Variants in TET2 observed in about 807,000 individuals in gnomAD.
TET2 encodes the protein tet methylcytosine dioxygenase 2.
In TET2, 299 loss-of-function variants were observed where a neutral mutation model predicts 142.9. The observed-to-expected ratio is 2.09, with a 90% CI of 1.90 to 2.30. The LOEUF is 2.30. Among genes scored for constraint, TET2 ranks in the 30% most tolerant of loss-of-function variants. The pLI, the probability that TET2 is intolerant of heterozygous loss-of-function variation, is 0.00. For synonymous variants in TET2, 819 were observed against 849.0 expected (o/e 0.96, Z 0.61); for missense variants, 2,418 against 2,378.0 (o/e 1.02, Z -0.35).
chr4:105,247,637 CT>C (rs1258012125), intron 6 of TET2, among the ~76,000 whole-genome samples: 1 of 82,312 alleles, frequency 1.2e-5, no homozygotes, highest in African/African-American at 8.5e-5. Context: ...CATCTTGGTT[CT>C]TTTGTTTACT....
chr4:105,275,606 A>C lies in TET2; in HGVS notation c.5096A>C (p.Gln1699Pro), dbSNP rs1460073379. The change falls in exon 11 of 11, where the codon CAA (glutamine) becomes CCA (proline). Residue 1699 changes from glutamine (Q) to proline (P), a missense_variant. Transcript: ENST00000380013. The part of the protein sequence containing the change: ...FTSKYLGYGN[Q>P]NMQGDGFSSC... ...TCTAAATACTTAGGTTATGGAAACC[A>C]AAATATGCAGGGAGATGGTTTCAGC... The C allele has an allele frequency of 6.4e-7, 1 of 1,551,858 alleles. No individual in the cohort carries two copies. Among genetic ancestry groups the C allele is most frequent in the Admixed American group, 2.0e-5 (1 of 51,010 alleles).
intron 6 of TET2, among the ~76,000 whole-genome samples, chr4:105,247,786 A>G (rs1729658744): frequency 1.5e-5 from 2 of 135,856 alleles, no homozygotes; most frequent in Middle Eastern, 4.5e-3. Flanking sequence ...CAGTGGCCCA[A>G]TCTCAGCTCA....
chr4:105,186,096 G>A (rs1407652314), intron 1 of TET2, among the ~76,000 whole-genome samples: 17 of 152,006 alleles, frequency 1.1e-4, no homozygotes, highest in Non-Finnish European at 7.4e-5. Flanking sequence ...TGGGTGTGGT[G>A]GTACATGCCT....
intron 6 of TET2, among the ~76,000 whole-genome samples, chr4:105,250,702 A>AT (rs1167248934): frequency 6.6e-6 from 1 of 151,692 alleles, no homozygotes; most frequent in Non-Finnish European, 1.5e-5. Context: ...TGCACTTTTT[A>AT]TTTTTTTTAA....
rs1405367085 is a variant in TET2 at position 105,276,007 on chromosome 4, G to C, written c.5497G>C (p.Val1833Leu). 6 of 1,551,624 alleles carry C rather than the reference G, an allele frequency of 3.9e-6. No individual in the cohort carries two copies. The African/African-American group carries it at 8.2e-5, about 21-fold the overall frequency. ...TCAGGAAAAGCAGCCATTGGCACTA[G>C]TCCAGGGTGTGGCTTCTGGTGCAGA... is the stretch of plus-strand genomic sequence containing the variant. ...NGQEKQPLAL[V>L]QGVASGAEDN... is the part of the protein sequence containing the mutation. Residue 1833 changes from valine to leucine, a missense_variant, in exon 11 of 11, where the codon GTC becomes CTC. Transcript: ENST00000380013.
Position 105,236,396 on chromosome 4 carries a change from T to G in TET2, c.2454T>G (p.Pro818=), listed in dbSNP as rs1196627799. The G allele has an allele frequency of 6.2e-7, 1 of 1,613,920 alleles. No homozygotes were observed. The highest frequency in any genetic ancestry group is 8.5e-7 in the Non-Finnish European group (1 of 1,180,016). ...AGAATATAAATCGTAGAAATTCCCC[T>G]TATAGTCAGACCATGAAATCAAGTG... ...EVQNINRRNS[P]YSQTMKSSAC... The change falls in exon 3 of 11, where the codon CCT becomes CCG. Residue 818 remains proline, a synonymous_variant. Transcript: ENST00000380013.
chr4:105,182,812 G>T (rs1725199313), intron 1 of TET2, among the ~76,000 whole-genome samples: 1 of 151,938 alleles, frequency 6.6e-6, no homozygotes, highest in African/African-American at 2.4e-5. Context: ...TTAAGCATTA[G>T]AATTTTTATA....
intron 2 of TET2, among the ~76,000 whole-genome samples, chr4:105,209,614 A>G (rs147707435): frequency 1.3e-5 from 2 of 151,252 alleles, no homozygotes; most frequent in African/African-American, 4.9e-5. Context: ...AGATTTCTCT[A>G]ATTTTTTGTG....
At position 105,237,152 on chromosome 4, in the gene TET2, T is replaced by C. The variant is rs754910412; in HGVS notation, c.3210T>C (p.Thr1070=). The change falls in exon 3 of 11, where the codon ACT becomes ACC. Residue 1070 remains threonine (T), a synonymous_variant. Transcript: ENST00000380013. ...TCACAGTTTTGACTAGACAAACCAC[T>C]GCTGCAGAACTTGATAGCCACACCC... ...GPVTVLTRQT[T]AAELDSHTPA... The C allele has an allele frequency of 6.2e-7, 1 of 1,614,152 alleles. No homozygotes were observed. The highest frequency in any genetic ancestry group is 1.1e-5 in the South Asian group (1 of 91,084).
intron 1 of TET2, among the ~76,000 whole-genome samples, chr4:105,170,266 C>G (rs1418768927): frequency 1.3e-5 from 2 of 152,118 alleles, no homozygotes; most frequent in African/African-American, 2.4e-5. Context: ...CATGTATTGT[C>G]AGCATACCAA....
intron 4 of TET2, 182 bp downstream of exon 4, chr4:105,241,611 A>AC: frequency 7.4e-7 from 1 of 1,358,220 alleles, no homozygotes; most frequent in Non-Finnish European, 9.5e-7. Flanking sequence ...ACAATATTTG[A>AC]CAGGACTAAT....
chr4:105,210,150 C>A lies in TET2; in HGVS notation c.-47+19645C>A, dbSNP rs535857967. Among the ~76,000 whole-genome samples the A allele has an allele frequency of 7.2e-5, 11 of 152,212 alleles. No homozygotes were observed. In the South Asian group the frequency reaches 2.3e-3, roughly 32 times the overall value. On this transcript the variant is annotated intron_variant, in intron 2 of 10. Transcript: ENST00000380013. ...TTTGGATAAGTAGAGTTTGAAGTGC[C>A]TATGGGACATACAGGTACAGATGAC...
At chr4:105,265,323 A>T (rs1158210850) in intron 8 of TET2, among the ~76,000 whole-genome samples, 1 of 152,226 alleles carries the variant, frequency 6.6e-6, no homozygotes, top group Non-Finnish European at 1.5e-5. Context: ...CATGTGGATA[A>T]TGGTTACCAT....
intron 6 of TET2, among the ~76,000 whole-genome samples, chr4:105,245,921 T>C (rs1387242119): frequency 1.3e-5 from 2 of 152,226 alleles, no homozygotes; most frequent in African/African-American, 4.8e-5. Context: ...TTTGATTTTC[T>C]TGAAGTTTCC....
intron 2 of TET2, among the ~76,000 whole-genome samples, chr4:105,210,413 A>G (rs1258320562): frequency 1.3e-5 from 2 of 152,012 alleles, no homozygotes; most frequent in Non-Finnish European, 2.9e-5. Flanking sequence ...CTGTACTCTT[A>G]CTTGGGATGA....
Position 105,275,734 on chromosome 4 carries a change from C to G in TET2, c.5224C>G (p.Pro1742Ala). The change falls in exon 11 of 11, where the codon CCC (proline) becomes GCC (alanine). Residue 1742 changes from proline to alanine, a missense_variant. Pro to Ala is a conservative substitution (Grantham distance 27, BLOSUM62 -1). Coordinates refer to ENST00000380013, the MANE Select transcript of TET2 (RefSeq NM_001127208.3). ...HFMGATSRLP[P>A]NLSNPNMDYK... ...CATGGGAGCCACCTCTAGATTACCA[C>G]CCAATCTGAGCAATCCAAACATGGA... is the stretch of plus-strand genomic sequence containing the variant. 6.4e-7 allele frequency: 1 copy of G among 1,551,762 alleles called. No individual in the cohort carries two copies. The highest frequency in any genetic ancestry group is 8.7e-7 in the Non-Finnish European group (1 of 1,146,968).
intron 6 of TET2, among the ~76,000 whole-genome samples, chr4:105,256,517 C>T (rs1051705570): frequency 2.0e-5 from 3 of 151,990 alleles, no homozygotes; most frequent in African/African-American, 7.3e-5. Flanking sequence ...ATACAGTTTT[C>T]ATGATTTTCT....
chr4:105,236,050 TGAATCAACAG>T lies in TET2; in HGVS notation c.2110_2119del (p.Asn704LeufsTer44). 6.2e-7 allele frequency: 1 copy of T among 1,614,132 alleles called. No individual in the cohort carries two copies. Among genetic ancestry groups the T allele is most frequent in the Non-Finnish European group, 8.5e-7 (1 of 1,180,006 alleles). ...ATGTCCCCAGTGTTGAAACAGCACTTGAATCAACAGGCTTCAGAGACTGAGCCATTTTCAA... is the reference window on the plus strand; with the variant it reads ...ATGTCCCCAGTGTTGAAACAGCACTTGCTTCAGAGACTGAGCCATTTTCAA... On this transcript the variant is annotated frameshift_variant, in exon 3 of 11. Coordinates refer to ENST00000380013, the MANE Select transcript of TET2 (RefSeq NM_001127208.3). LOFTEE classifies it high-confidence loss of function.
intron 2 of TET2, among the ~76,000 whole-genome samples, chr4:105,220,636 T>C (rs192555002): frequency 1.7e-4 from 26 of 152,252 alleles, no homozygotes; most frequent in African/African-American, 6.0e-4. Context: ...TGAACAAGAC[T>C]GGAGGACTTT....
Sources: allele counts gnomAD v4.1 joint callset (sites outside exome capture counted in the v4.1 genomes callset), GRCh38; gene constraint gnomAD v4.1.1; transcripts MANE v1.5; gene names NCBI Gene and HGNC (gene_info 2026-07-23, HGNC 2026-07-21).